Variants in GRIN2B observed in about 807,000 individuals in gnomAD.
GRIN2B encodes glutamate receptor ionotropic, NMDA 2B.
GRIN2B carries 5 observed loss-of-function variants against 114.5 expected under a neutral mutation model. That is an observed-to-expected ratio of 0.04 (90% CI 0.02 to 0.09). The LOEUF is 0.09. GRIN2B is among the 10% of genes least tolerant of loss of function. The probability of loss-of-function intolerance (pLI) is 1.00; values close to 1 mark genes in which losing one functional copy is unlikely to be tolerated. For missense variants in GRIN2B, 1,108 were observed against 1,943.5 expected, an observed-to-expected ratio of 0.57 and a Z score of 8.08; for synonymous variants, 787 against 745.1, an observed-to-expected ratio of 1.06 and a Z score of -0.92.
chr12:13,751,164 G>T lies in GRIN2B; in HGVS notation c.1010+2153C>A, dbSNP rs577096716. On this transcript the variant is annotated intron_variant, in intron 4 of 13. Coordinates refer to ENST00000609686, the MANE Select transcript of GRIN2B (RefSeq NM_000834.5). ...TTTTTGAAGAACTAAGCTCAGTGTT[G>T]CAGGAAGGTAGCGTGCAAGGCAGAG... 3.9e-5 allele frequency among the ~76,000 whole-genome samples: 6 copies of T among 152,276 alleles called. No homozygotes were observed. The South Asian group carries it at 1.2e-3, about 32-fold the overall frequency.
intron 3 of GRIN2B, among the ~76,000 whole-genome samples, chr12:13,863,367 A>G (rs887910624): frequency 5.9e-5 from 9 of 152,212 alleles, no homozygotes; most frequent in Non-Finnish European, 1.3e-4. Context: ...CCATCTAACA[A>G]GGGAGAAAGT....
intron 2 of GRIN2B, among the ~76,000 whole-genome samples, chr12:13,945,805 C>A (rs979233241): frequency 2.6e-5 from 4 of 152,138 alleles, no homozygotes; most frequent in African/African-American, 4.8e-5. Context: ...ATTTCAGAGG[C>A]AATAGAGTCT....
chr12:13,852,369 G>C (rs1219191306), intron 3 of GRIN2B, among the ~76,000 whole-genome samples: 1 of 152,182 alleles, frequency 6.6e-6, no homozygotes, highest in Non-Finnish European at 1.5e-5. Flanking sequence ...CTCAAAAGGA[G>C]AAGCAGCCAT....
intron 4 of GRIN2B, among the ~76,000 whole-genome samples, chr12:13,678,674 C>T (rs144362646): frequency 6.6e-6 from 1 of 152,192 alleles, no homozygotes; most frequent in East Asian, 1.9e-4. Context: ...CAGCTCTCAG[C>T]CCAGAGCGGC....
chr12:13,852,332 G>T (rs909141872), intron 3 of GRIN2B, among the ~76,000 whole-genome samples: 11 of 152,152 alleles, frequency 7.2e-5, no homozygotes, highest in African/African-American at 2.7e-4. Flanking sequence ...GGAGTCAAGG[G>T]ACACTAGTGC....
intron 3 of GRIN2B, among the ~76,000 whole-genome samples, chr12:13,831,917 G>A (rs375488274): frequency 2.0e-5 from 3 of 152,314 alleles, no homozygotes; most frequent in East Asian, 1.9e-4. Flanking sequence ...TCAGGAGAAC[G>A]TGCCTTTGGA....
chr12:13,769,551 C>A (rs1863867586), intron 3 of GRIN2B, among the ~76,000 whole-genome samples: 1 of 152,186 alleles, frequency 6.6e-6, no homozygotes, highest in African/African-American at 2.4e-5. Flanking sequence ...GTATGCAGCT[C>A]ATGGCTAACA....
At chr12:13,612,300 T>C (rs890349480) in intron 8 of GRIN2B, among the ~76,000 whole-genome samples, 4 of 152,242 alleles carry the variant, frequency 2.6e-5, no homozygotes, top group Non-Finnish European at 5.9e-5. Flanking sequence ...CAGACCTACC[T>C]ACTATTTTAG....
At chr12:13,978,624 G>A (rs1421108) in intron 2 of GRIN2B, among the ~76,000 whole-genome samples, 58,123 of 152,100 alleles carry the variant, frequency 0.38, 13,394 homozygotes, top group East Asian at 0.62. Flanking sequence ...TGGGGTGGTG[G>A]TAATACTTTT....
At chr12:13,823,679 C>T (rs894231469) in intron 3 of GRIN2B, among the ~76,000 whole-genome samples, 7 of 152,004 alleles carry the variant, frequency 4.6e-5, no homozygotes, top group Non-Finnish European at 8.8e-5. Context: ...TGCTACAACC[C>T]TTTGTATAAG....
At chr12:13,857,390 C>CAT (rs1865680690) in intron 3 of GRIN2B, among the ~76,000 whole-genome samples, 1 of 152,062 alleles carries the variant, frequency 6.6e-6, no homozygotes, top group African/African-American at 2.4e-5. Context: ...CACACACACA[C>CAT]ACACACACAC....
At chr12:13,856,287 G>C (rs1358955033) in intron 3 of GRIN2B, among the ~76,000 whole-genome samples, 2 of 152,206 alleles carry the variant, frequency 1.3e-5, no homozygotes, top group Non-Finnish European at 2.9e-5. Context: ...GGGAGGTTAA[G>C]AGAAATCCTG....
chr12:13,818,823 T>C (rs1864877726), intron 3 of GRIN2B, among the ~76,000 whole-genome samples: 1 of 152,192 alleles, frequency 6.6e-6, no homozygotes, highest in Admixed American at 6.5e-5. Flanking sequence ...GTTGACGGCC[T>C]TTTGTGGCAG....
intron 2 of GRIN2B, among the ~76,000 whole-genome samples, chr12:13,910,149 C>T (rs1034485946): frequency 3.9e-5 from 6 of 152,092 alleles, no homozygotes; most frequent in Non-Finnish European, 8.8e-5. Flanking sequence ...GTTCCTGGGG[C>T]TCAGATCTTA....
At chr12:13,604,393 A>T (rs949452848) in intron 10 of GRIN2B, among the ~76,000 whole-genome samples, 1 of 152,212 alleles carries the variant, frequency 6.6e-6, no homozygotes, top group African/African-American at 2.4e-5. Context: ...TTCTGCAATA[A>T]AGCTGAAGAT....
chr12:13,730,682 G>A (rs1216574467), intron 4 of GRIN2B, among the ~76,000 whole-genome samples: 3 of 152,016 alleles, frequency 2.0e-5, no homozygotes, highest in Non-Finnish European at 2.9e-5. Flanking sequence ...CGTAATAGGG[G>A]GAAAATGGTT....
chr12:13,869,317 A>C (rs543689749), intron 2 of GRIN2B, among the ~76,000 whole-genome samples: 9 of 148,434 alleles, frequency 6.1e-5, no homozygotes, highest in African/African-American at 2.3e-4. Flanking sequence ...CTAGCAGAAG[A>C]TACAGACATA....
At chr12:13,732,188 C>G (rs1450171048) in intron 4 of GRIN2B, among the ~76,000 whole-genome samples, 1 of 151,542 alleles carries the variant, frequency 6.6e-6, no homozygotes, top group Non-Finnish European at 1.5e-5. Flanking sequence ...GAAAACAGAG[C>G]TGGAGAAAAT....
chr12:13,607,117 C>T (rs540215676), intron 10 of GRIN2B, among the ~76,000 whole-genome samples: 1 of 134,522 alleles, frequency 7.4e-6, no homozygotes, highest in South Asian at 2.2e-4. Context: ...GCCACCCAAC[C>T]ACATCTAACA....
Sources: gnomAD v4.1 joint callset for allele counts (sites outside exome capture counted in the v4.1 genomes callset) on GRCh38, gnomAD v4.1.1 for gene constraint, MANE v1.5 for transcripts, NCBI Gene and HGNC (gene_info 2026-07-23, HGNC 2026-07-21) for gene names.